Variants in DZANK1 observed in about 807,000 individuals in gnomAD.
DZANK1 encodes double zinc ribbon and ankyrin repeat domains 1, also known as double zinc ribbon and ankyrin repeat-containing protein 1.
In DZANK1, 91 loss-of-function variants were observed where a neutral mutation model predicts 94.5. The ratio of observed to expected loss-of-function variants is 0.96; its 90% CI spans 0.81 to 1.15. The LOEUF (loss-of-function observed/expected upper bound fraction) is 1.15. Among genes scored for constraint, DZANK1 ranks in the 50% most tolerant of loss-of-function variants. The pLI is 0.00. For missense variants in DZANK1, 903 were observed against 916.4 expected (o/e 0.99, Z 0.19); for synonymous variants, 312 against 325.3 (o/e 0.96, Z 0.44).
At chr20:18,465,878 A>T (rs2059632160) in intron 1 of DZANK1, among the ~76,000 whole-genome samples, 1 of 152,248 alleles carries the variant, frequency 6.6e-6, no homozygotes, top group African/African-American at 2.4e-5. Flanking sequence ...TCACCAGAGC[A>T]GTTCTAGTAT....
chr20:18,431,179 G>A (rs1351634105), intron 9 of DZANK1, among the ~76,000 whole-genome samples: 1 of 151,790 alleles, frequency 6.6e-6, no homozygotes, highest in African/African-American at 2.4e-5. Flanking sequence ...AGGTATCTTT[G>A]CCAAAGGTCA....
intron 4 of DZANK1, among the ~76,000 whole-genome samples, 181 bp downstream of exon 4, chr20:18,455,066 T>C (rs563224890): frequency 6.6e-6 from 1 of 152,304 alleles, no homozygotes; most frequent in Admixed American, 6.5e-5. Context: ...TCAGGGTGGA[T>C]AGGAGACTGA....
exon 17 of DZANK1, chr20:18,393,760 A>C: frequency 6.2e-7 from 1 of 1,613,364 alleles, no homozygotes; most frequent in Non-Finnish European, 8.5e-7. Flanking sequence ...GAAATTCTTT[A>C]TCCTTTTGAT....
chr20:18,448,215 G>A (rs192087037), intron 7 of DZANK1, among the ~76,000 whole-genome samples: 115 of 152,254 alleles, frequency 7.6e-4, no homozygotes, highest in Middle Eastern at 3.4e-3. Flanking sequence ...AAAAAGAAAC[G>A]GATGTTTGTT....
At chr20:18,394,548 C>T (rs186609272) in intron 15 of DZANK1, 198 bp from the exon 16 acceptor site, 42 of 688,420 alleles carry the variant, frequency 6.1e-5, no homozygotes, top group East Asian at 1.1e-4. Flanking sequence ...CCCTTACCCG[C>T]GGCTCAGTCT....
intron 9 of DZANK1, among the ~76,000 whole-genome samples, chr20:18,430,187 T>C (rs553383015): frequency 1.1e-4 from 16 of 152,332 alleles, no homozygotes; most frequent in African/African-American, 2.9e-4. Context: ...TAGTAGGTCA[T>C]TGCAAACTTA....
chr20:18,411,327 T>C (rs773010745), intron 13 of DZANK1, among the ~76,000 whole-genome samples: 3 of 152,158 alleles, frequency 2.0e-5, no homozygotes, highest in Admixed American at 6.5e-5. Flanking sequence ...ACCAACTTTA[T>C]TGAAATAAAA....
At chr20:18,438,150 C>T (rs1301860632) in intron 8 of DZANK1, among the ~76,000 whole-genome samples, 14 of 126,646 alleles carry the variant, frequency 1.1e-4, no homozygotes, top group African/African-American at 3.6e-4. Context: ...ACCTGGGAGG[C>T]GGAGCTTGCA....
chr20:18,448,194 A>T (rs951924620), intron 7 of DZANK1, among the ~76,000 whole-genome samples: 1 of 152,240 alleles, frequency 6.6e-6, no homozygotes, highest in Non-Finnish European at 1.5e-5. Flanking sequence ...AATGGACTGT[A>T]GTTCAACAAT....
chr20:18,443,420 C>A (rs1035871100), exon 8 of DZANK1: 1 of 1,522,276 alleles, frequency 6.6e-7, no homozygotes. Context: ...TTGACAGAAG[C>A]GAGCAAAGGG....
chr20:18,390,122 G>C (rs994834963), intron 18 of DZANK1, among the ~76,000 whole-genome samples: 9 of 152,110 alleles, frequency 5.9e-5, no homozygotes, highest in Non-Finnish European at 1.0e-4. Flanking sequence ...TGGGGTCATG[G>C]GCCAGAGATT....
At chr20:18,416,920 A>G (rs992084193) in intron 10 of DZANK1, among the ~76,000 whole-genome samples, 1 of 152,148 alleles carries the variant, frequency 6.6e-6, no homozygotes, top group Non-Finnish European at 1.5e-5. Flanking sequence ...CAAAGCCTTC[A>G]GACTTTTCAT....
At chr20:18,384,887 T>A in intron 20 of DZANK1, 129 bp downstream of exon 20, 2 of 885,330 alleles carry the variant, frequency 2.3e-6, no homozygotes, top group Non-Finnish European at 3.5e-6. Context: ...CCGGAAGCCA[T>A]GGTGGGATGG....
chr20:18,426,011 T>C (rs2058024101), intron 10 of DZANK1, among the ~76,000 whole-genome samples: 1 of 152,160 alleles, frequency 6.6e-6, no homozygotes, highest in South Asian at 2.1e-4. Context: ...AGCCACCTAG[T>C]TGATGGTGCT....
intron 13 of DZANK1, among the ~76,000 whole-genome samples, chr20:18,407,818 T>C (rs763553372): frequency 1.1e-4 from 16 of 152,178 alleles, no homozygotes. Context: ...ATAGCAGAAC[T>C]GATTAAGCAA....
At chr20:18,451,744 G>A (rs1043565350) in intron 6 of DZANK1, 2 of 421,116 alleles carry the variant, frequency 4.7e-6, no homozygotes, top group African/African-American at 4.1e-5. Flanking sequence ...AACCCTGAGA[G>A]GCAGACTTGG....
intron 10 of DZANK1, among the ~76,000 whole-genome samples, chr20:18,419,028 G>A (rs6514893): frequency 0.35 from 53,646 of 151,916 alleles, 10,475 homozygotes; most frequent in Middle Eastern, 0.46. Context: ...TTGGGAGGCC[G>A]AGACAGGTGG....
chr20:18,460,154 T>TA lies in DZANK1; in HGVS notation c.261dup (p.Lys88Ter). Reference sequence around the variant, plus strand: ...TTAATCACCATGCTCTTAACTTACTTAGAGACAGCAATAGCTTTAACTTGT... The same window carrying TA: ...TTAATCACCATGCTCTTAACTTACTTAAGAGACAGCAATAGCTTTAACTTGT... On this transcript the variant is annotated frameshift_variant and splice_region_variant, in exon 3 of 21. Coordinates refer to ENST00000262547, the Ensembl canonical transcript of DZANK1. LOFTEE classifies it high-confidence loss of function. 6 of 1,529,204 alleles carry TA rather than the reference T, an allele frequency of 3.9e-6. No individual in the cohort carries two copies. Among genetic ancestry groups the TA allele is most frequent in the Non-Finnish European group, 5.3e-6 (6 of 1,122,946 alleles). 94.7% of individuals were successfully genotyped at this position (1,529,204 alleles called of 1,614,324 possible). A position where few individuals can be genotyped will look rare whatever the true frequency, so the allele number is the denominator to read the frequency against.
chr20:18,457,163 A>G (rs2059320130), intron 3 of DZANK1, among the ~76,000 whole-genome samples: 1 of 152,202 alleles, frequency 6.6e-6, no homozygotes, highest in Non-Finnish European at 1.5e-5. Context: ...TGGTCGTTGT[A>G]ACACAGAATC....
Sources: gnomAD v4.1 joint callset for allele counts (sites outside exome capture counted in the v4.1 genomes callset) on GRCh38, gnomAD v4.1.1 for gene constraint, MANE v1.5 for transcripts, NCBI Gene and HGNC (gene_info 2026-07-23, HGNC 2026-07-21) for gene names.